The following GABRB2 variants were observed in gnomAD, a reference collection of about 807,000 sequenced individuals.
GABRB2 encodes gamma-aminobutyric acid receptor subunit beta-2.
A neutral mutation model predicts 54.7 loss-of-function variants in GABRB2; 16 were observed. That is an observed-to-expected ratio of 0.29 (90% CI 0.20 to 0.44). The LOEUF is 0.44. Ranked by LOEUF, GABRB2 falls within the 20% of genes least tolerant of loss-of-function variation. The pLI, the probability that GABRB2 is intolerant of heterozygous loss-of-function variation, is 1.00. For missense variants in GABRB2, 355 were observed against 644.0 expected (o/e 0.55, Z 4.86); for synonymous variants, 244 against 233.8 (o/e 1.04, Z -0.40).
intron 4 of GABRB2, among the ~76,000 whole-genome samples, chr5:161,429,201 G>T (rs1013307527): frequency 3.3e-5 from 5 of 151,158 alleles, no homozygotes; most frequent in African/African-American, 1.2e-4. Flanking sequence ...ACAAAAATTA[G>T]CTGGGCATGG....
chr5:161,455,477 A>G (rs1561656380), intron 4 of GABRB2, among the ~76,000 whole-genome samples: 1 of 152,020 alleles, frequency 6.6e-6, no homozygotes, highest in Non-Finnish European at 1.5e-5. Context: ...TATTTCCCAG[A>G]TAATAGAACA....
At chr5:161,448,778 G>C (rs371943039) in intron 4 of GABRB2, among the ~76,000 whole-genome samples, 70 of 152,252 alleles carry the variant, frequency 4.6e-4, no homozygotes, top group African/African-American at 1.7e-3. Context: ...GACCTTCCAT[G>C]TGTAAGTAGT....
intron 9 of GABRB2, among the ~76,000 whole-genome samples, chr5:161,320,132 T>C (rs181035727): frequency 6.4e-4 from 97 of 151,990 alleles, no homozygotes; most frequent in Non-Finnish European, 1.3e-3. Context: ...TGTTAATTTA[T>C]AATTGATCTT....
chr5:161,289,153 T>A lies in GABRB2; in HGVS notation c.*4928A>T, dbSNP rs1757164705. The A allele has an allele frequency of 6.6e-6, 1 of 151,864 alleles. No homozygotes were observed. Among genetic ancestry groups the A allele is most frequent in the Admixed American group, 6.6e-5 (1 of 15,226 alleles). The allele number at this position is 151,864 out of a possible 1,614,324, so 9.4% of individuals were successfully genotyped here. A position where few individuals can be genotyped will look rare whatever the true frequency, so the allele number is the denominator to read the frequency against. ...AAACTTCTTTAAGCAAATTAAAATT[T>A]GATGTCAGAATTTTGAATATATCTA... On this transcript the variant is annotated 3_prime_UTR_variant, in exon 10 of 10. Transcript: ENST00000393959.
chr5:161,428,053 T>C (rs1254793536), intron 4 of GABRB2, among the ~76,000 whole-genome samples: 1 of 152,200 alleles, frequency 6.6e-6, no homozygotes, highest in Non-Finnish European at 1.5e-5. Context: ...TTCAAAAGCA[T>C]ATTAGACTCT....
intron 5 of GABRB2, among the ~76,000 whole-genome samples, chr5:161,369,305 A>G (rs1026778515): frequency 2.6e-5 from 4 of 152,210 alleles, no homozygotes; most frequent in African/African-American, 7.2e-5. Flanking sequence ...GAGTTTTAAG[A>G]GCAATACTCT....
chr5:161,298,685 A>G (rs574277134), intron 9 of GABRB2, among the ~76,000 whole-genome samples: 1 of 152,326 alleles, frequency 6.6e-6, no homozygotes, highest in East Asian at 1.9e-4. Context: ...CTAGAGCAGC[A>G]TGCTCAAGTA....
chr5:161,369,533 G>GGAGAGA lies in GABRB2; in HGVS notation c.542-32770_542-32765dup, dbSNP rs70990780. 3.8e-4 allele frequency among the ~76,000 whole-genome samples: 55 copies of GGAGAGA among 146,408 alleles called. 1 individual carries two copies. In the East Asian group the frequency reaches 7.9e-3, roughly 21 times the overall value. The stretch of plus-strand genomic sequence containing the variant: ...GAGAAAGAGAGAGAGAGGAGGAGAG[G>GGAGAGA]GAGAGAGAGAGAGAGAGAGAGAGAC... On this transcript the variant is annotated intron_variant, in intron 5 of 9. Coordinates refer to ENST00000393959, the MANE Select transcript of GABRB2 (RefSeq NM_001371727.1).
chr5:161,524,713 T>A (rs1009118829), intron 3 of GABRB2, among the ~76,000 whole-genome samples: 3 of 151,328 alleles, frequency 2.0e-5, no homozygotes, highest in Admixed American at 1.3e-4. Context: ...GATCTGTTTT[T>A]AATGCAAACC....
At chr5:161,353,466 T>C (rs1439469670) in intron 5 of GABRB2, among the ~76,000 whole-genome samples, 1 of 152,038 alleles carries the variant, frequency 6.6e-6, no homozygotes, top group Non-Finnish European at 1.5e-5. Flanking sequence ...GCTCTTATCC[T>C]AACCTAAAAG....
At chr5:161,326,521 G>A in intron 8 of GABRB2, 40 bp from the exon 9 acceptor site, 3 of 1,597,334 alleles carry the variant, frequency 1.9e-6, no homozygotes, top group South Asian at 2.2e-5. Flanking sequence ...TAAGTCGATT[G>A]ATGCTACTAG....
intron 4 of GABRB2, among the ~76,000 whole-genome samples, chr5:161,440,816 A>C (rs1006644070): frequency 5.3e-5 from 8 of 152,164 alleles, no homozygotes; most frequent in Non-Finnish European, 7.4e-5. Context: ...ACAAATCCAC[A>C]CACCTACAGT....
intron 5 of GABRB2, among the ~76,000 whole-genome samples, chr5:161,364,530 A>G (rs905203731): frequency 6.6e-6 from 1 of 152,168 alleles, no homozygotes; most frequent in Non-Finnish European, 1.5e-5. Flanking sequence ...CTTAAATATA[A>G]AATGTTGGAA....
intron 5 of GABRB2, among the ~76,000 whole-genome samples, chr5:161,362,146 G>GT (rs1754832188): frequency 6.6e-6 from 1 of 152,012 alleles, no homozygotes; most frequent in Non-Finnish European, 1.5e-5. Flanking sequence ...TATCTGTTTT[G>GT]GTACCAGTAC....
At chr5:161,433,445 CA>C (rs11354322) in intron 4 of GABRB2, among the ~76,000 whole-genome samples, 50,820 of 121,714 alleles carry the variant, frequency 0.42, 11,136 homozygotes, top group African/African-American at 0.67. Flanking sequence ...ACTAAAAATA[CA>C]AAAAAAAAAA....
chr5:161,398,538 G>A (rs1205165727), intron 5 of GABRB2, among the ~76,000 whole-genome samples: 5 of 152,128 alleles, frequency 3.3e-5, no homozygotes, highest in African/African-American at 4.8e-5. Flanking sequence ...CCTCCACTGA[G>A]CATCAATTTC....
chr5:161,497,221 T>C (rs1050282358), intron 3 of GABRB2, among the ~76,000 whole-genome samples: 3 of 152,128 alleles, frequency 2.0e-5, no homozygotes, highest in African/African-American at 4.8e-5. Context: ...ATAACTTCTT[T>C]AAGTCCATAA....
chr5:161,461,842 T>C (rs1581006077), intron 3 of GABRB2, among the ~76,000 whole-genome samples: 2 of 152,202 alleles, frequency 1.3e-5, no homozygotes, highest in East Asian at 3.8e-4. Flanking sequence ...TCCAGTAAGC[T>C]ATGCCTAGTG....
At chr5:161,329,884 G>A (rs1753780553) in intron 8 of GABRB2, 1 of 152,168 alleles carries the variant, frequency 6.6e-6, no homozygotes, top group Admixed American at 6.5e-5. Context: ...CAAGTATTCT[G>A]TTAGTGCAGC....
Sources: allele counts gnomAD v4.1 joint callset (sites outside exome capture counted in the v4.1 genomes callset), GRCh38; gene constraint gnomAD v4.1.1; transcripts MANE v1.5; gene names NCBI Gene and HGNC (gene_info 2026-07-23, HGNC 2026-07-21).